The following MYO1G variants were observed in gnomAD, a reference collection of about 807,000 sequenced individuals.
MYO1G encodes the protein unconventional myosin-Ig.
Under a neutral mutation model 115.3 loss-of-function variants are expected in MYO1G, and 65 were observed. The ratio of observed to expected loss-of-function variants is 0.56; its 90% CI spans 0.46 to 0.69. The LOEUF is 0.69. Ranked by LOEUF, MYO1G falls within the 30% of genes least tolerant of loss-of-function variation. MYO1G has a pLI of 0.00. For synonymous variants in MYO1G, 510 were observed against 552.6 expected, an observed-to-expected ratio of 0.92 and a Z score of 1.08; for missense variants, 1,204 against 1,393.5, an observed-to-expected ratio of 0.86 and a Z score of 2.16.
Position 44,966,472 on chromosome 7 carries a change from T to C in MYO1G, c.1950-192A>G, listed in dbSNP as rs758902985. 1 of 823,598 alleles carries C rather than the reference T, an allele frequency of 1.2e-6. No individual in the cohort carries two copies. The highest frequency in any genetic ancestry group is 1.4e-5 in the South Asian group (1 of 69,288). 51.0% of individuals were successfully genotyped at this position (823,598 alleles called of 1,614,324 possible). On this transcript the variant is annotated intron_variant, in intron 15 of 21. Transcript: ENST00000258787. The surrounding 1 kb of genome is among the most constrained non-coding windows in gnomAD (Gnocchi z 5.0). ...TGTCCTCACACAGCCCTCATACCCA[T>C]GTTCCCACCTGTATGTCCCCACATG...
rs201481844 is a variant in MYO1G, at chr7:44,965,718, A to G, written c.2300T>C (p.Leu767Pro). 15 of 1,612,240 alleles carry G rather than the reference A, an allele frequency of 9.3e-6. No homozygotes were observed. The East Asian group carries it at 3.1e-4, about 34-fold the overall frequency. Residue 767 changes from leucine to proline, a missense_variant, in exon 17 of 22, where the codon CTC becomes CCC. Physicochemically the swap from Leu to Pro is moderately conservative, Grantham distance 98. Transcript: ENST00000258787. Reference sequence around the variant, plus strand: ...CGGCCACACAAGGTCACGCCCGTAGAGTGGCGGCTGCCTTGCAGCCTGGAA... The same window carrying G: ...CGGCCACACAAGGTCACGCCCGTAGGGTGGCGGCTGCCTTGCAGCCTGGAA... ...RRFQAARQPP[L>P]YGRDLVWPLP...
rs746714948 is a variant in MYO1G at position 44,965,059 on chromosome 7, G to A, written c.2412C>T (p.Ile804=). 6 of 1,609,586 alleles carry A rather than the reference G, an allele frequency of 3.7e-6. No individual in the cohort carries two copies. Among genetic ancestry groups the A allele is most frequent in the South Asian group, 1.1e-5 (1 of 91,012 alleles). ...TGATCTGGGGCATGTCTGAAGGGGG[G>A]ATGTTCTTCACCAGCTGCCGGGCCC... The part of the protein sequence containing the change: ...RWRARQLVKN[I]PPSDMPQIKA... Residue 804 remains isoleucine (I), a synonymous_variant, in exon 18 of 22, where the codon ATC becomes ATT. Coordinates refer to ENST00000258787, the MANE Select transcript of MYO1G (RefSeq NM_033054.3).
Position 44,966,917 on chromosome 7 carries a change from C to T in MYO1G, c.1783-79G>A. 1 of 1,430,654 alleles carries T rather than the reference C, an allele frequency of 7.0e-7. No homozygotes were observed. Among genetic ancestry groups the T allele is most frequent in the Non-Finnish European group, 9.4e-7 (1 of 1,059,836 alleles). The allele number at this position is 1,430,654 out of a possible 1,614,324, so 88.6% of individuals were successfully genotyped here. A position where few individuals can be genotyped will look rare whatever the true frequency, so the allele number is the denominator to read the frequency against. Reference sequence around the variant, plus strand: ...CTGCCCCACACCAGGGGCTTCCTAACCCCTCAAGGTCCCAGGCCAGGAGAA... The same window carrying T: ...CTGCCCCACACCAGGGGCTTCCTAATCCCTCAAGGTCCCAGGCCAGGAGAA... On this transcript the variant is annotated intron_variant, in intron 14 of 21. Coordinates refer to ENST00000258787, the MANE Select transcript of MYO1G (RefSeq NM_033054.3). This position sits in a 1 kb window ranked among gnomAD's most constrained non-coding sequence, Gnocchi z 5.0.
At position 44,966,602 on chromosome 7, in the gene MYO1G, T is replaced by C; in HGVS notation, c.1949+70A>G. 1.3e-6 allele frequency: 2 copies of C among 1,592,798 alleles called. No homozygotes were observed. Among genetic ancestry groups the C allele is most frequent in the African/African-American group, 2.7e-5 (2 of 74,592 alleles). The stretch of plus-strand genomic sequence containing the variant: ...TTTGCGACGTGCTGTTTGGGGACCC[T>C]CTGCTCCTACCCCTTGGACTCCACA... On this transcript the variant is annotated intron_variant, in intron 15 of 21. Coordinates refer to ENST00000258787, the MANE Select transcript of MYO1G (RefSeq NM_033054.3). The surrounding 1 kb of genome is among the most constrained non-coding windows in gnomAD (Gnocchi z 5.0).
chr7:44,971,747 C>A lies in MYO1G; in HGVS notation c.772G>T (p.Ala258Ser). ...DEQSHQAVTE[A>S]MRVIGFSPEE... ...GGACTGAAGCCGATGACCCTCATGG[C>A]CTCGGTCACTGCCTGGTGGCTCTGC... Residue 258 changes from alanine to serine, a missense_variant, in exon 7 of 22, where the codon GCC becomes TCC. Coordinates refer to ENST00000258787, the MANE Select transcript of MYO1G (RefSeq NM_033054.3). 1 of 1,555,700 alleles carries A rather than the reference C, an allele frequency of 6.4e-7. No individual in the cohort carries two copies.
At position 44,970,482 on chromosome 7, in the gene MYO1G, C is replaced by T. The variant is rs538196290; in HGVS notation, c.1217+110G>A. 249 of 1,446,780 alleles carry T rather than the reference C, an allele frequency of 1.7e-4. 1 individual carries two copies. The South Asian group carries it at 2.6e-3, about 15-fold the overall frequency. The allele number at this position is 1,446,780 out of a possible 1,614,324, so 89.6% of individuals were successfully genotyped here. On this transcript the variant is annotated intron_variant, in intron 9 of 21. Transcript: ENST00000258787. The stretch of plus-strand genomic sequence containing the variant: ...ATGAGCCTTGGGCCCAGGGACCAGC[C>T]GGGAGAAACCCCAACATTCCTGCTG...
At chr7:44,973,740 C>A (rs1382714174) in intron 5 of MYO1G, 3 of 151,278 alleles carry the variant, frequency 2.0e-5, no homozygotes, top group African/African-American at 4.9e-5. Context: ...TCATTAGAGA[C>A]AATGCCCATG....
In MYO1G at chr7:44,966,755, G is replaced by A. The variant is rs764688640; in HGVS notation, c.1866C>T (p.Val622=). ...KLDENHCRHQ[V]AYLGLLENVR... Reference sequence around the variant, plus strand: ...CATTCTCCAGCAGCCCCAGGTATGCGACCTGGTGGCGACAGTGGTTCTCAT... The same window carrying A: ...CATTCTCCAGCAGCCCCAGGTATGCAACCTGGTGGCGACAGTGGTTCTCAT... The change falls in exon 15 of 22, where the codon GTC becomes GTT. Residue 622 remains valine, a synonymous_variant. Coordinates refer to ENST00000258787, the MANE Select transcript of MYO1G (RefSeq NM_033054.3). This position sits in a 1 kb window ranked among gnomAD's most constrained non-coding sequence, Gnocchi z 5.0. 6.2e-6 allele frequency: 10 copies of A among 1,613,366 alleles called. No individual in the cohort carries two copies. The African/African-American group carries it at 6.7e-5, about 11-fold the overall frequency.
At position 44,963,800 on chromosome 7, in the gene MYO1G, G is replaced by T. The variant is rs1047616874; in HGVS notation, c.2745+249C>A. On this transcript the variant is annotated intron_variant, in intron 20 of 21. Coordinates refer to ENST00000258787, the MANE Select transcript of MYO1G (RefSeq NM_033054.3). The surrounding 1 kb of genome is among the most constrained non-coding windows in gnomAD (Gnocchi z 4.1). ...ACAAGTTGGAAGAGGGGACCATTTG[G>T]CTTGGCTAGAGTGTGAGAGTGGGGG... 6 of 504,052 alleles carry T rather than the reference G, an allele frequency of 1.2e-5. No homozygotes were observed. Among genetic ancestry groups the T allele is most frequent in the South Asian group, 5.2e-5 (2 of 38,630 alleles). 31.2% of individuals were successfully genotyped at this position (504,052 alleles called of 1,614,324 possible). A position where few individuals can be genotyped will look rare whatever the true frequency, so the allele number is the denominator to read the frequency against.
intron 4 of MYO1G, 64 bp downstream of exon 4, chr7:44,975,420 C>G (rs755648993): frequency 5.5e-5 from 86 of 1,572,002 alleles, no homozygotes; most frequent in Non-Finnish European, 7.1e-5. Flanking sequence ...TGGGTACCTT[C>G]CCAGGCCTGG....
Position 44,963,754 on chromosome 7 carries a change from G to A in MYO1G, c.2745+295C>T. On this transcript the variant is annotated intron_variant, in intron 20 of 21. Transcript: ENST00000258787. The surrounding 1 kb of genome is among the most constrained non-coding windows in gnomAD (Gnocchi z 4.1). Reference sequence around the variant, plus strand: ...GGTACTCAGGTCCCAGAATGCCCAGGTGGGAGAACCCCAGTTGGGCACAAG... The same window carrying A: ...GGTACTCAGGTCCCAGAATGCCCAGATGGGAGAACCCCAGTTGGGCACAAG... 2.4e-6 allele frequency: 1 copy of A among 419,418 alleles called. No homozygotes were observed. The allele number at this position is 419,418 out of a possible 1,614,324, so 26.0% of individuals were successfully genotyped here.
Position 44,970,161 on chromosome 7 carries a change from G to T in MYO1G, c.1218-7C>A. 6.2e-7 allele frequency: 1 copy of T among 1,603,882 alleles called. No homozygotes were observed. The highest frequency in any genetic ancestry group is 8.5e-7 in the Non-Finnish European group (1 of 1,171,282). ...GATGCAGAACTGCTCGAAACTGGGG[G>T]TGGGGTGGGCCTTTCAGAGGGGAGG... is the stretch of plus-strand genomic sequence containing the variant. On this transcript the variant is annotated splice_polypyrimidine_tract_variant and splice_region_variant and intron_variant, in intron 9 of 21. Coordinates refer to ENST00000258787, the MANE Select transcript of MYO1G (RefSeq NM_033054.3).
At chr7:44,978,156 G>A (rs533197086) in intron 1 of MYO1G, among the ~76,000 whole-genome samples, 117 of 152,172 alleles carry the variant, frequency 7.7e-4, no homozygotes, top group Non-Finnish European at 1.3e-3. Context: ...AGTACACAGC[G>A]AGTGGCCTTC....
At chr7:44,971,258 G>A (rs1370608808) in intron 7 of MYO1G, among the ~76,000 whole-genome samples, 199 bp from the exon 8 acceptor site, 1 of 151,928 alleles carries the variant, frequency 6.6e-6, no homozygotes, top group African/African-American at 2.4e-5. Context: ...GCACACCAGA[G>A]TCTCTGCCAA....
At chr7:44,967,069 C>T (rs539924796) in intron 14 of MYO1G, among the ~76,000 whole-genome samples, 32 of 152,172 alleles carry the variant, frequency 2.1e-4, no homozygotes, top group African/African-American at 6.3e-4. Flanking sequence ...GGGAGGTGGG[C>T]GTGGCAGGGG....
chr7:44,968,048 T>A lies in MYO1G; in HGVS notation c.1575-90A>T, dbSNP rs1020549565. The A allele has an allele frequency of 2.8e-6, 3 of 1,064,204 alleles. No individual in the cohort carries two copies. The East Asian group carries it at 7.4e-5, about 26-fold the overall frequency. 65.9% of individuals were successfully genotyped at this position (1,064,204 alleles called of 1,614,324 possible). On this transcript the variant is annotated intron_variant, in intron 12 of 21. Transcript: ENST00000258787. ...CCCAGCAGCCCCCACTCTCTTCCCA[T>A]CTGCCTCTGTTCCCATAGGTCAGTC...
In MYO1G at chr7:44,964,005, C is replaced by A; in HGVS notation, c.2745+44G>T. 4 of 1,443,848 alleles carry A rather than the reference C, an allele frequency of 2.8e-6. No homozygotes were observed. The highest frequency in any genetic ancestry group is 3.8e-6 in the Non-Finnish European group (4 of 1,049,930). 89.4% of individuals were successfully genotyped at this position (1,443,848 alleles called of 1,614,324 possible). On this transcript the variant is annotated intron_variant, in intron 20 of 21. Transcript: ENST00000258787. This position sits in a 1 kb window ranked among gnomAD's most constrained non-coding sequence, Gnocchi z 5.1. ...CAGGACTCTGAGCAGCCCAGCAGTG[C>A]CCCTCACAGATGCTGCACCCTACTC... is the stretch of plus-strand genomic sequence containing the variant.
intron 4 of MYO1G, 103 bp downstream of exon 4, chr7:44,975,381 C>T: frequency 6.5e-7 from 1 of 1,529,902 alleles, no homozygotes; most frequent in Non-Finnish European, 9.0e-7. Flanking sequence ...GGAGAGACAG[C>T]CCAGCCCTCC....
rs376819721 is a variant in MYO1G at position 44,965,840 on chromosome 7, C to T, written c.2178G>A (p.Ala726=). ...CCCTCAGCCTCCGGCAGCGCCACCT[C>T]GCCAAGGTGCCCCGCCATGCCTGGG... ...LLQKAWRGTL[A]RWRCRRLRAI... The change falls in exon 17 of 22, where the codon GCG becomes GCA. Residue 726 remains alanine (A), a synonymous_variant. Coordinates refer to ENST00000258787, the MANE Select transcript of MYO1G (RefSeq NM_033054.3). 84 of 1,598,944 alleles carry T rather than the reference C, an allele frequency of 5.3e-5. No homozygotes were observed. Among genetic ancestry groups the T allele is most frequent in the Non-Finnish European group, 6.9e-5 (81 of 1,179,860 alleles).
Sources: gnomAD v4.1 joint callset for allele counts (sites outside exome capture counted in the v4.1 genomes callset) on GRCh38, gnomAD v4.1.1 for gene constraint, Gnocchi (gnomAD v3.1) non-coding constraint, MANE v1.5 for transcripts, NCBI Gene and HGNC (gene_info 2026-07-23, HGNC 2026-07-21) for gene names.